Variants in TGM4 observed in about 807,000 individuals in gnomAD.
TGM4 encodes protein-glutamine gamma-glutamyltransferase 4.
Under a neutral mutation model 76.3 loss-of-function variants are expected in TGM4, and 61 were observed. The ratio of observed to expected loss-of-function variants is 0.80; its 90% CI spans 0.65 to 0.99. The LOEUF is 0.99. Ranked by LOEUF, TGM4 falls within the 50% of genes least tolerant of loss-of-function variation. The pLI, the probability that TGM4 is intolerant of heterozygous loss-of-function variation, is 0.00. For missense variants in TGM4, 794 were observed against 843.2 expected, an observed-to-expected ratio of 0.94 and a Z score of 0.72; for synonymous variants, 337 against 329.8, an observed-to-expected ratio of 1.02 and a Z score of -0.24.
Position 44,913,681 on chromosome 3 carries a change from G to A in TGM4, c.2011G>A (p.Val671Met), listed in dbSNP as rs754823414. The A allele has an allele frequency of 1.2e-6, 2 of 1,614,226 alleles. No homozygotes were observed. The highest frequency in any genetic ancestry group is 2.2e-5 in the East Asian group (1 of 44,890). ...TATCGTCAAGTTAAGTTCCAAACAA[G>A]TGAAAGAGATTAATGCTCAGAAGAT... ...KFIVKLSSKQ[V>M]KEINAQKIVL... Residue 671 changes from valine (V) to methionine (M), a missense_variant, in exon 14 of 14, where the codon GTG (valine) becomes ATG (methionine). Coordinates refer to ENST00000296125, the MANE Select transcript of TGM4 (RefSeq NM_003241.4).
chr3:44,893,882 G>A (rs983438010), intron 5 of TGM4, among the ~76,000 whole-genome samples, 187 bp downstream of exon 5: 1 of 151,060 alleles, frequency 6.6e-6, no homozygotes, highest in Admixed American at 6.6e-5. Flanking sequence ...GTGGAGTCCT[G>A]GGCAGAAGCC....
Position 44,890,718 on chromosome 3 carries a change from A to G in TGM4, c.416A>G (p.Asn139Ser). The change falls in exon 4 of 14, where the codon AAC (asparagine) becomes AGC (serine). Residue 139 changes from asparagine to serine, a missense_variant. Physicochemically the swap from Asn to Ser is conservative, Grantham distance 46. Transcript: ENST00000296125. The stretch of plus-strand genomic sequence containing the variant: ...GAAAACATCCTATACCTTCTCTTCA[A>G]CCCATGGTGTAAAGGTACTGTGAAT... ...SEENILYLLF[N>S]PWCKEDMVFM... 6.2e-7 allele frequency: 1 copy of G among 1,614,114 alleles called. No individual in the cohort carries two copies. Among genetic ancestry groups the G allele is most frequent in the African/African-American group, 1.3e-5 (1 of 75,036 alleles).
At chr3:44,903,765 C>A (rs534390618) in intron 8 of TGM4, 119 bp from the exon 9 acceptor site, 2 of 938,602 alleles carry the variant, frequency 2.1e-6, no homozygotes, top group East Asian at 4.8e-5. Flanking sequence ...TTCCCAAACC[C>A]CTGAGAACAA....
intron 2 of TGM4, 116 bp from the exon 3 acceptor site, chr3:44,887,573 G>A: frequency 3.6e-6 from 3 of 838,650 alleles, no homozygotes; most frequent in Non-Finnish European, 5.6e-6. Flanking sequence ...GGACAAATGA[G>A]CCTGGAAAGG....
chr3:44,878,318 G>A (rs1426993310), intron 1 of TGM4, among the ~76,000 whole-genome samples: 1 of 151,984 alleles, frequency 6.6e-6, no homozygotes, highest in Non-Finnish European at 1.5e-5. Flanking sequence ...TGTAACTAAA[G>A]TAATGGTTTA....
At chr3:44,876,328 T>C (rs1040477408) in intron 1 of TGM4, 1 of 152,250 alleles carries the variant, frequency 6.6e-6, no homozygotes, top group African/African-American at 2.4e-5. Flanking sequence ...GATGGGCTTG[T>C]GCAAGTAACC....
At chr3:44,879,617 C>T (rs868475358) in intron 1 of TGM4, among the ~76,000 whole-genome samples, 1 of 151,052 alleles carries the variant, frequency 6.6e-6, no homozygotes, top group African/African-American at 2.4e-5. Context: ...GGACTACAGG[C>T]GCCTGCCACC....
chr3:44,906,707 A>G (rs1699926382), intron 9 of TGM4, among the ~76,000 whole-genome samples: 1 of 152,206 alleles, frequency 6.6e-6, no homozygotes, highest in African/African-American at 2.4e-5. Flanking sequence ...GATGAGTTTA[A>G]TAGGCAGCAT....
chr3:44,874,717 A>G lies in TGM4; in HGVS notation c.19+20A>G, dbSNP rs1053914435. On this transcript the variant is annotated intron_variant, in intron 1 of 13. Coordinates refer to ENST00000296125, the MANE Select transcript of TGM4 (RefSeq NM_003241.4). ...CAAAAGGTGAGTGGGTGAAATCTCC[A>G]TGGAGCCCCACATGCCCCTTCAGCC... The G allele has an allele frequency of 5.0e-6, 8 of 1,613,846 alleles. No homozygotes were observed. The highest frequency in any genetic ancestry group is 3.3e-5 in the South Asian group (3 of 91,076).
intron 2 of TGM4, 139 bp from the exon 3 acceptor site, chr3:44,887,550 G>C: frequency 1.4e-6 from 1 of 692,206 alleles, no homozygotes; most frequent in Admixed American, 2.9e-5. Flanking sequence ...GAATTAGAGG[G>C]GCTGGAGCCA....
rs765633080 is a variant in TGM4, at chr3:44,890,587, C to G, written c.301-16C>G. ...CCAGAGGGGGAGATGTCCACCTTATCTTATGGTTTGCTCAGGTCACAGTGG... is the reference window on the plus strand; with the variant it reads ...CCAGAGGGGGAGATGTCCACCTTATGTTATGGTTTGCTCAGGTCACAGTGG... On this transcript the variant is annotated splice_polypyrimidine_tract_variant and intron_variant, in intron 3 of 13. Coordinates refer to ENST00000296125, the MANE Select transcript of TGM4 (RefSeq NM_003241.4). 5 of 1,613,058 alleles carry G rather than the reference C, an allele frequency of 3.1e-6. No individual in the cohort carries two copies. The East Asian group carries it at 8.9e-5, about 29-fold the overall frequency.
chr3:44,883,301 G>C (rs1311919066), intron 1 of TGM4, among the ~76,000 whole-genome samples: 1 of 152,172 alleles, frequency 6.6e-6, no homozygotes, highest in Non-Finnish European at 1.5e-5. Context: ...GGGCCTTTAA[G>C]AGTTGATTAG....
At chr3:44,880,227 G>C (rs1013185871) in intron 1 of TGM4, among the ~76,000 whole-genome samples, 1 of 152,222 alleles carries the variant, frequency 6.6e-6, no homozygotes, top group African/African-American at 2.4e-5. Flanking sequence ...CCTTGAGTGT[G>C]ACTTTATCTG....
intron 2 of TGM4, among the ~76,000 whole-genome samples, chr3:44,887,222 A>G (rs1386729084): frequency 6.6e-6 from 1 of 152,226 alleles, no homozygotes; most frequent in Non-Finnish European, 1.5e-5. Flanking sequence ...GGAGCTCATG[A>G]CATAAACTGA....
At chr3:44,901,127 T>C (rs1183096175) in intron 6 of TGM4, among the ~76,000 whole-genome samples, 1 of 152,108 alleles carries the variant, frequency 6.6e-6, no homozygotes, top group Non-Finnish European at 1.5e-5. Flanking sequence ...GTAGTCCCAA[T>C]TACCTGGGTG....
intron 4 of TGM4, among the ~76,000 whole-genome samples, chr3:44,892,162 G>C (rs1207640822): frequency 2.0e-5 from 3 of 151,052 alleles, no homozygotes; most frequent in African/African-American, 4.9e-5. Flanking sequence ...GGAGGCTGAG[G>C]CAGGAGAATC....
intron 3 of TGM4, among the ~76,000 whole-genome samples, chr3:44,889,935 G>T (rs1190197524): frequency 6.6e-6 from 1 of 152,200 alleles, no homozygotes; most frequent in East Asian, 1.9e-4. Flanking sequence ...ATAAAGGAAA[G>T]AAGTTTAATT....
intron 6 of TGM4, chr3:44,900,847 C>G (rs1256301833): frequency 6.6e-6 from 1 of 152,310 alleles, no homozygotes; most frequent in African/African-American, 2.4e-5. Context: ...GATCGTCTGG[C>G]CAGGGCTCCT....
intron 1 of TGM4, 111 bp from the exon 2 acceptor site, chr3:44,885,214 C>A: frequency 8.4e-7 from 1 of 1,188,602 alleles, no homozygotes; most frequent in Non-Finnish European, 1.2e-6. Flanking sequence ...ATGCCCGACT[C>A]TAAAGCCCAG....
Sources: gnomAD v4.1 joint callset for allele counts (sites outside exome capture counted in the v4.1 genomes callset) on GRCh38, gnomAD v4.1.1 for gene constraint, MANE v1.5 for transcripts, NCBI Gene and HGNC (gene_info 2026-07-23, HGNC 2026-07-21) for gene names.